The following CTNNA3 variants were observed in gnomAD, a reference collection of about 807,000 sequenced individuals.
CTNNA3 encodes the protein catenin alpha 3.
A neutral mutation model predicts 95.7 loss-of-function variants in CTNNA3; 76 were observed. That is an observed-to-expected ratio of 0.79 (90% CI 0.66 to 0.96). The LOEUF is 0.96. CTNNA3 is among the 40% of genes least tolerant of loss of function. The probability of loss-of-function intolerance (pLI) is 0.00; values close to 1 mark genes in which losing one functional copy is unlikely to be tolerated. For synonymous variants in CTNNA3, 431 were observed against 374.4 expected, an observed-to-expected ratio of 1.15 and a Z score of -1.74; for missense variants, 1,191 against 1,089.8, an observed-to-expected ratio of 1.09 and a Z score of -1.31.
chr10:66,605,364 T>C (rs1212010783), intron 10 of CTNNA3, among the ~76,000 whole-genome samples: 1 of 152,072 alleles, frequency 6.6e-6, no homozygotes, highest in Non-Finnish European at 1.5e-5. Context: ...AGAAAGAGTA[T>C]AAGCAACTTG....
intron 5 of CTNNA3, among the ~76,000 whole-genome samples, chr10:67,302,026 A>T (rs61866886): frequency 2.5e-5 from 1 of 39,722 alleles, no homozygotes; most frequent in Non-Finnish European, 4.3e-5. Context: ...AAAGAAAGAA[A>T]GAAAGAAAGA....
chr10:66,850,436 T>TA (rs1843444646), intron 7 of CTNNA3, among the ~76,000 whole-genome samples: 1 of 152,132 alleles, frequency 6.6e-6, no homozygotes, highest in African/African-American at 2.4e-5. Context: ...TTTTCTTTTT[T>TA]AAAAAATCTA....
chr10:67,678,927 G>T (rs1840579157), intron 1 of CTNNA3, among the ~76,000 whole-genome samples: 1 of 151,946 alleles, frequency 6.6e-6, no homozygotes, highest in African/African-American at 2.4e-5. Context: ...AGATAAAAAA[G>T]GTACAAGTCT....
chr10:66,670,761 G>A (rs1447926076), intron 9 of CTNNA3, among the ~76,000 whole-genome samples: 1 of 152,152 alleles, frequency 6.6e-6, no homozygotes, highest in Admixed American at 6.6e-5. Context: ...ATTATAACCA[G>A]GAATGGGAAT....
At chr10:67,045,483 C>T (rs1854673689) in intron 7 of CTNNA3, among the ~76,000 whole-genome samples, 1 of 152,062 alleles carries the variant, frequency 6.6e-6, no homozygotes, top group African/African-American at 2.4e-5. Flanking sequence ...GGCTGACTTT[C>T]AATAGATCGC....
chr10:67,042,836 C>A (rs1324204648), intron 7 of CTNNA3, among the ~76,000 whole-genome samples: 2 of 152,018 alleles, frequency 1.3e-5, no homozygotes, highest in African/African-American at 2.4e-5. Flanking sequence ...TAATTTAGTT[C>A]CAATGGAAAT....
intron 3 of CTNNA3, among the ~76,000 whole-genome samples, chr10:67,577,372 G>T (rs1177333375): frequency 6.7e-6 from 1 of 148,258 alleles, no homozygotes; most frequent in African/African-American, 2.6e-5. Flanking sequence ...CTTTTTGATG[G>T]GGTTGTTTGT....
intron 15 of CTNNA3, among the ~76,000 whole-genome samples, chr10:66,021,172 G>T (rs7068146): frequency 0.73 from 110,778 of 151,766 alleles, 40,670 homozygotes; most frequent in East Asian, 0.93. Flanking sequence ...TCTACATATT[G>T]TTTGCACACC....
At chr10:67,115,504 A>C (rs946358083) in intron 7 of CTNNA3, among the ~76,000 whole-genome samples, 2 of 151,560 alleles carry the variant, frequency 1.3e-5, no homozygotes, top group South Asian at 4.2e-4. Context: ...TAAAAAAATA[A>C]AATAAAATAA....
At chr10:66,274,292 T>C (rs567957806) in intron 13 of CTNNA3, among the ~76,000 whole-genome samples, 1 of 152,284 alleles carries the variant, frequency 6.6e-6, no homozygotes, top group African/African-American at 2.4e-5. Context: ...AATATCATAT[T>C]CTTCTTTTGA....
intron 15 of CTNNA3, among the ~76,000 whole-genome samples, chr10:65,999,829 A>G (rs559589000): frequency 2.6e-5 from 4 of 152,202 alleles, no homozygotes; most frequent in South Asian, 4.1e-4. Flanking sequence ...ATTGGATCCT[A>G]CAGAAAAAGA....
intron 9 of CTNNA3, among the ~76,000 whole-genome samples, chr10:66,751,878 G>A (rs1186847072): frequency 6.6e-6 from 1 of 152,056 alleles, no homozygotes; most frequent in Non-Finnish European, 1.5e-5. Flanking sequence ...ATAAAAATAG[G>A]TGGCAAATTT....
chr10:67,420,252 G>A (rs1845700777), intron 5 of CTNNA3, among the ~76,000 whole-genome samples: 1 of 152,026 alleles, frequency 6.6e-6, no homozygotes. Flanking sequence ...ACTAACAAAT[G>A]GTTAAGTGAA....
At chr10:67,497,008 G>C (rs1439501715) in intron 5 of CTNNA3, among the ~76,000 whole-genome samples, 1 of 151,944 alleles carries the variant, frequency 6.6e-6, no homozygotes, top group South Asian at 2.1e-4. Context: ...AGGTATACAC[G>C]TGCCATGGTG....
At chr10:67,580,530 T>C (rs965622460) in intron 3 of CTNNA3, among the ~76,000 whole-genome samples, 1 of 151,870 alleles carries the variant, frequency 6.6e-6, no homozygotes, top group Non-Finnish European at 1.5e-5. Context: ...AGGATTGTCT[T>C]GGCGATGCGG....
At chr10:66,650,509 T>C (rs1228394270) in intron 9 of CTNNA3, among the ~76,000 whole-genome samples, 1 of 152,188 alleles carries the variant, frequency 6.6e-6, no homozygotes, top group Non-Finnish European at 1.5e-5. Flanking sequence ...ACTCATGATG[T>C]GTCCGGAATT....
At chr10:66,473,153 G>C (rs1404848990) in intron 11 of CTNNA3, among the ~76,000 whole-genome samples, 1 of 151,844 alleles carries the variant, frequency 6.6e-6, no homozygotes, top group Non-Finnish European at 1.5e-5. Flanking sequence ...TCATTTCTTT[G>C]TGGTGAGAAC....
chr10:65,953,552 C>A (rs1452256805), intron 17 of CTNNA3, among the ~76,000 whole-genome samples: 3 of 150,824 alleles, frequency 2.0e-5, no homozygotes, highest in African/African-American at 7.3e-5. Context: ...CACCCCATGA[C>A]AGGCCCCGGT....
chr10:66,429,169 T>C (rs1051168012), intron 11 of CTNNA3, among the ~76,000 whole-genome samples: 1 of 152,000 alleles, frequency 6.6e-6, no homozygotes. Flanking sequence ...ATGGATAAAA[T>C]CCTCTACACA....
Sources: allele counts gnomAD v4.1 joint callset (sites outside exome capture counted in the v4.1 genomes callset), GRCh38; gene constraint gnomAD v4.1.1; transcripts MANE v1.5; gene names NCBI Gene and HGNC (gene_info 2026-07-23, HGNC 2026-07-21).